The following CNIH3 variants were observed in gnomAD, a reference collection of about 807,000 sequenced individuals.
CNIH3 encodes the protein cornichon family AMPA receptor auxiliary protein 3, also known as protein cornichon homolog 3.
CNIH3 carries 14 observed loss-of-function variants against 24.1 expected under a neutral mutation model. The observed-to-expected ratio is 0.58, with a 90% CI of 0.38 to 0.91. CNIH3 has a LOEUF of 0.91. Ranked by LOEUF, CNIH3 falls within the 40% of genes least tolerant of loss-of-function variation. The pLI, the probability that CNIH3 is intolerant of heterozygous loss-of-function variation, is 0.00. For missense variants in CNIH3, 178 were observed against 196.8 expected (o/e 0.90, Z 0.57); for synonymous variants, 68 against 73.8 (o/e 0.92, Z 0.40).
At chr1:224,480,506 G>T (rs1676764698) in intron 1 of CNIH3, among the ~76,000 whole-genome samples, 1 of 152,180 alleles carries the variant, frequency 6.6e-6, no homozygotes, top group East Asian at 1.9e-4. Flanking sequence ...CAAATTTTCT[G>T]AACTTTTATG....
At chr1:224,628,566 C>T (rs1202379967) in intron 1 of CNIH3, among the ~76,000 whole-genome samples, 1 of 152,102 alleles carries the variant, frequency 6.6e-6, no homozygotes, top group Non-Finnish European at 1.5e-5. Context: ...TTTTTTTACT[C>T]AGCATAATGT....
chr1:224,631,554 C>T (rs1683820835), intron 1 of CNIH3, among the ~76,000 whole-genome samples: 1 of 152,154 alleles, frequency 6.6e-6, no homozygotes, highest in Non-Finnish European at 1.5e-5. Context: ...CTTTTGCCCT[C>T]CTTTTATTCC....
intron 1 of CNIH3, among the ~76,000 whole-genome samples, chr1:224,461,994 A>T (rs546110178): frequency 1.6e-4 from 25 of 151,716 alleles, no homozygotes; most frequent in Admixed American, 9.8e-4. Flanking sequence ...CCTTTTTTTT[A>T]AAAAAAAGAC....
At chr1:224,653,777 C>G (rs771622892) in intron 1 of CNIH3, among the ~76,000 whole-genome samples, 1 of 152,194 alleles carries the variant, frequency 6.6e-6, no homozygotes, top group Non-Finnish European at 1.5e-5. Context: ...GCCTTAGCCT[C>G]TCTTCCTTTA....
At chr1:224,575,009 C>CCT in intron 4 of CNIH3, 1 of 876,916 alleles carries the variant, frequency 1.1e-6, no homozygotes, top group Admixed American at 1.7e-5. Flanking sequence ...GCCACCCGTA[C>CCT]CTCACTCAGG....
At chr1:224,727,277 A>G (rs1001698032) in intron 3 of CNIH3, among the ~76,000 whole-genome samples, 1 of 152,126 alleles carries the variant, frequency 6.6e-6, no homozygotes, top group Non-Finnish European at 1.5e-5. Context: ...ATGCTATGGC[A>G]AAACAACAAC....
intron 3 of CNIH3, among the ~76,000 whole-genome samples, chr1:224,557,544 C>T (rs1680188276): frequency 6.6e-6 from 1 of 152,190 alleles, no homozygotes; most frequent in African/African-American, 2.4e-5. Context: ...CAGCTCACTG[C>T]AACCTCCACC....
At chr1:224,659,098 A>G (rs1022688382) in intron 1 of CNIH3, among the ~76,000 whole-genome samples, 9 of 152,150 alleles carry the variant, frequency 5.9e-5, no homozygotes, top group Admixed American at 5.2e-4. Context: ...TCACATGCCC[A>G]CCTCTTCTGC....
chr1:224,693,409 A>T (rs1687020243), intron 3 of CNIH3, among the ~76,000 whole-genome samples: 2 of 152,232 alleles, frequency 1.3e-5, no homozygotes, highest in Non-Finnish European at 2.9e-5. Context: ...TACAGCAACC[A>T]TAATTTATTT....
At chr1:224,503,773 C>A (rs1677784397) in intron 1 of CNIH3, among the ~76,000 whole-genome samples, 1 of 152,232 alleles carries the variant, frequency 6.6e-6, no homozygotes, top group African/African-American at 2.4e-5. Context: ...CCCGACCCAG[C>A]CCTCTGGCAG....
chr1:224,522,487 G>A (rs1384605928), intron 2 of CNIH3, among the ~76,000 whole-genome samples: 1 of 152,200 alleles, frequency 6.6e-6, no homozygotes, highest in African/African-American at 2.4e-5. Flanking sequence ...AGCCACAGGT[G>A]GGAGAAGGTA....
intron 1 of CNIH3, among the ~76,000 whole-genome samples, chr1:224,440,709 CAG>C (rs1180994032): frequency 6.6e-6 from 1 of 152,062 alleles, no homozygotes. Flanking sequence ...AAAGCATAAA[CAG>C]GGTTTCTCTT....
intron 1 of CNIH3, among the ~76,000 whole-genome samples, chr1:224,672,446 G>A (rs1326329961): frequency 6.6e-6 from 1 of 152,130 alleles, no homozygotes; most frequent in Non-Finnish European, 1.5e-5. Context: ...AAAACAATAG[G>A]AATTTATTCT....
chr1:224,632,233 C>T (rs1174137095), intron 1 of CNIH3, among the ~76,000 whole-genome samples: 4 of 152,182 alleles, frequency 2.6e-5, no homozygotes, highest in African/African-American at 9.7e-5. Flanking sequence ...TGAGGAGCTA[C>T]ATATCCGGGC....
At chr1:224,485,705 C>A (rs1324194604) in intron 1 of CNIH3, among the ~76,000 whole-genome samples, 1 of 152,200 alleles carries the variant, frequency 6.6e-6, no homozygotes, top group Non-Finnish European at 1.5e-5. Flanking sequence ...GTTGTGCAGG[C>A]TTGTCCTGTC....
intron 4 of CNIH3, among the ~76,000 whole-genome samples, chr1:224,579,949 A>G (rs1681201818): frequency 6.6e-6 from 1 of 152,216 alleles, no homozygotes; most frequent in Non-Finnish European, 1.5e-5. Flanking sequence ...CTAGCAACAC[A>G]AACGGACAAA....
upstream of CNIH3, chr1:224,615,690 A>T (rs966830779): frequency 6.6e-6 from 1 of 152,168 alleles, no homozygotes; most frequent in Admixed American, 6.6e-5. Flanking sequence ...TCTTCAGCGC[A>T]GAATAGCCCA....
chr1:224,475,550 C>A (rs1572324176), intron 1 of CNIH3, among the ~76,000 whole-genome samples: 1 of 152,016 alleles, frequency 6.6e-6, no homozygotes, highest in Admixed American at 6.6e-5. Flanking sequence ...AATCCAAAAC[C>A]TGAACAGGCA....
intron 1 of CNIH3, among the ~76,000 whole-genome samples, chr1:224,471,183 C>T (rs890632728): frequency 1.3e-5 from 2 of 151,908 alleles, no homozygotes; most frequent in Non-Finnish European, 2.9e-5. Context: ...GGACTATAGG[C>T]ATACGCCACC....
Sources: gnomAD v4.1 joint callset for allele counts (sites outside exome capture counted in the v4.1 genomes callset) on GRCh38, gnomAD v4.1.1 for gene constraint, MANE v1.5 for transcripts, NCBI Gene and HGNC (gene_info 2026-07-23, HGNC 2026-07-21) for gene names.